PCDH15: variants seen among roughly 807,000 people sequenced by gnomAD.
The protein encoded by PCDH15 is protocadherin related 15, also known as protocadherin-15.
Under a neutral mutation model 178.5 loss-of-function variants are expected in PCDH15, and 129 were observed. The ratio of observed to expected loss-of-function variants is 0.72; its 90% confidence interval spans 0.63 to 0.84. The LOEUF (loss-of-function observed/expected upper bound fraction) is 0.84. Among genes scored for constraint, PCDH15 ranks in the 40% least tolerant of loss-of-function variants. The probability of loss-of-function intolerance (pLI) is 0.00; values close to 1 mark genes in which losing one functional copy is unlikely to be tolerated. For missense variants in PCDH15, 2,230 were observed against 2,099.9 expected, an observed-to-expected ratio of 1.06 and a Z score of -1.21; for synonymous variants, 800 against 732.0, an observed-to-expected ratio of 1.09 and a Z score of -1.50.
At chr10:55,308,520 A>G (rs1289125274) in intron 1 of PCDH15, among the ~76,000 whole-genome samples, 1 of 152,222 alleles carries the variant, frequency 6.6e-6, no homozygotes, top group East Asian at 1.9e-4. Context: ...CTATAAGCAC[A>G]TTCTATCTGA....
intron 2 of PCDH15, among the ~76,000 whole-genome samples, chr10:54,636,820 TA>T (rs1411130093): frequency 1.3e-5 from 2 of 152,014 alleles, no homozygotes; most frequent in African/African-American, 4.8e-5. Context: ...ATAAGAACAT[TA>T]ATTTCCAATA....
intron 2 of PCDH15, among the ~76,000 whole-genome samples, chr10:55,356,210 C>G (rs1190813385): frequency 6.9e-6 from 1 of 145,286 alleles, no homozygotes; most frequent in Admixed American, 6.9e-5. Context: ...AAATTGAAAA[C>G]TAATAAAAGG....
intron 5 of PCDH15, among the ~76,000 whole-genome samples, chr10:54,352,240 T>A (rs1291644905): frequency 6.6e-6 from 1 of 152,178 alleles, no homozygotes; most frequent in Non-Finnish European, 1.5e-5. Flanking sequence ...TAGATTCTAA[T>A]GGCTTTAATG....
At chr10:54,718,143 G>C (rs1331100169) in intron 1 of PCDH15, among the ~76,000 whole-genome samples, 1 of 149,438 alleles carries the variant, frequency 6.7e-6, no homozygotes, top group Non-Finnish European at 1.5e-5. Context: ...GATAGCATTG[G>C]GAGATATACC....
At chr10:54,279,345 G>T (rs1356348799) in intron 8 of PCDH15, among the ~76,000 whole-genome samples, 1 of 151,438 alleles carries the variant, frequency 6.6e-6, no homozygotes, top group Non-Finnish European at 1.5e-5. Flanking sequence ...ATTTTTAAAT[G>T]TATTTGAAAT....
rs1302256809 is a variant in PCDH15, at chr10:55,404,387, C to A, written c.-156+223238G>T. ...GGAAAACGCTATTATCCTGTGACAG[C>A]GCTTAGGATTTTGCAATGGCACTTT... is the stretch of plus-strand genomic sequence containing the variant. On this transcript the variant is annotated intron_variant, in intron 2 of 5. Coordinates refer to the PCDH15 transcript ENST00000613346. 2.0e-5 allele frequency among the ~76,000 whole-genome samples: 3 copies of A among 152,018 alleles called. No homozygotes were observed. The East Asian group carries it at 5.8e-4, about 29-fold the overall frequency.
At chr10:54,654,851 T>A (rs182177100) in intron 2 of PCDH15, 9 of 152,278 alleles carry the variant, frequency 5.9e-5, no homozygotes, top group Non-Finnish European at 1.0e-4. Flanking sequence ...ATATTATTGA[T>A]TTTATATGCA....
At chr10:55,235,725 G>A (rs1353521600) in intron 1 of PCDH15, among the ~76,000 whole-genome samples, 1 of 151,816 alleles carries the variant, frequency 6.6e-6, no homozygotes, top group Non-Finnish European at 1.5e-5. Context: ...TGACCTATAT[G>A]GTGAAACCCT....
chr10:55,518,507 A>G (rs1029885006), intron 2 of PCDH15, among the ~76,000 whole-genome samples: 31 of 152,026 alleles, frequency 2.0e-4, no homozygotes, highest in African/African-American at 7.2e-4. Context: ...AGAGTAAAAC[A>G]CAGATAAGAC....
In PCDH15 at chr10:53,806,497, A is replaced by ATTGT. The variant is rs1306441161; in HGVS notation, c.*78_*81dup. ...TGTGTGCATGATATAAATTCCATAC[A>ATTGT]TTGTTTTCTCAGTGACAATAAAAAG... On this transcript the variant is annotated 3_prime_UTR_variant, in exon 38 of 38. Coordinates refer to ENST00000644397, the MANE Select transcript of PCDH15 (RefSeq NM_001384140.1). 7 of 1,197,180 alleles carry ATTGT rather than the reference A, an allele frequency of 5.8e-6. No homozygotes were observed. Among genetic ancestry groups the ATTGT allele is most frequent in the Admixed American group, 5.2e-5 (2 of 38,210 alleles). 74.2% of individuals were successfully genotyped at this position (1,197,180 alleles called of 1,614,324 possible). A position where few individuals can be genotyped will look rare whatever the true frequency, so the allele number is the denominator to read the frequency against.
chr10:54,590,733 T>A (rs2133929885), intron 2 of PCDH15, among the ~76,000 whole-genome samples: 1 of 152,214 alleles, frequency 6.6e-6, no homozygotes, highest in Middle Eastern at 3.4e-3. Context: ...TTTGCCTACC[T>A]AAAGGGATTG....
intron 2 of PCDH15, among the ~76,000 whole-genome samples, chr10:55,452,976 G>A (rs1172703536): frequency 2.0e-5 from 3 of 152,028 alleles, no homozygotes; most frequent in Admixed American, 6.6e-5. Flanking sequence ...ATAAGCAAGG[G>A]CTTTAAGAAT....
At chr10:54,537,531 A>T (rs2084716203) in intron 2 of PCDH15, among the ~76,000 whole-genome samples, 2 of 152,216 alleles carry the variant, frequency 1.3e-5, no homozygotes, top group African/African-American at 2.4e-5. Flanking sequence ...TCAACAAAAT[A>T]CTTCCAAGGC....
chr10:53,811,370 A>G (rs1030767546), intron 36 of PCDH15, among the ~76,000 whole-genome samples, 179 bp downstream of exon 36: 1 of 152,176 alleles, frequency 6.6e-6, no homozygotes, highest in Non-Finnish European at 1.5e-5. Context: ...AACTCAATAT[A>G]GAAAAATGGT....
At chr10:54,199,395 C>G (rs993763716) in intron 10 of PCDH15, among the ~76,000 whole-genome samples, 1 of 151,952 alleles carries the variant, frequency 6.6e-6, no homozygotes, top group Non-Finnish European at 1.5e-5. Context: ...ACTCAGGTCT[C>G]CTGATTTTTA....
intron 14 of PCDH15, among the ~76,000 whole-genome samples, chr10:54,150,074 C>T (rs2044370843): frequency 6.6e-6 from 1 of 151,886 alleles, no homozygotes; most frequent in African/African-American, 2.4e-5. Flanking sequence ...GAATGTCAGG[C>T]ATGTAGGAAG....
intron 1 of PCDH15, among the ~76,000 whole-genome samples, chr10:55,206,142 A>G (rs181727039): frequency 1.3e-5 from 2 of 152,160 alleles, no homozygotes; most frequent in Non-Finnish European, 2.9e-5. Context: ...TTGAGATGAC[A>G]CATTATACAA....
chr10:54,194,552 T>C (rs2049370884), intron 11 of PCDH15, among the ~76,000 whole-genome samples: 1 of 152,032 alleles, frequency 6.6e-6, no homozygotes, highest in African/African-American at 2.4e-5. Context: ...AACTATCTTT[T>C]ACATATAGTT....
intron 1 of PCDH15, among the ~76,000 whole-genome samples, chr10:54,679,146 C>A (rs141009400): frequency 0.034 from 4,841 of 144,406 alleles, 262 homozygotes; most frequent in African/African-American, 0.12. Context: ...GCCGAGATTG[C>A]GCCACCGCAC....
Sources: allele counts gnomAD v4.1 joint callset (sites outside exome capture counted in the v4.1 genomes callset), GRCh38; gene constraint gnomAD v4.1.1; transcripts MANE v1.5; gene names NCBI Gene and HGNC (gene_info 2026-07-23, HGNC 2026-07-21).